Variants in CCDC149 observed in about 807,000 individuals in gnomAD.
CCDC149 encodes coiled-coil domain-containing protein 149.
A neutral mutation model predicts 59.9 loss-of-function variants in CCDC149; 45 were observed. The ratio of observed to expected loss-of-function variants is 0.75; its 90% CI spans 0.59 to 0.96. CCDC149 has a LOEUF of 0.96. CCDC149 is among the 40% of genes least tolerant of loss of function. The probability of loss-of-function intolerance (pLI) is 0.00; values close to 1 mark genes in which losing one functional copy is unlikely to be tolerated. For missense variants in CCDC149, 584 were observed against 664.7 expected, an observed-to-expected ratio of 0.88 and a Z score of 1.33; for synonymous variants, 245 against 260.6, an observed-to-expected ratio of 0.94 and a Z score of 0.58.
chr4:24,902,789 G>C (rs1172880604), intron 1 of CCDC149, among the ~76,000 whole-genome samples: 1 of 152,076 alleles, frequency 6.6e-6, no homozygotes, highest in Non-Finnish European at 1.5e-5. Flanking sequence ...TTGGGAGGCT[G>C]AGACTGATGG....
chr4:24,822,677 A>T, intron 9 of CCDC149, 104 bp from the exon 10 acceptor site: 1 of 697,102 alleles, frequency 1.4e-6, no homozygotes, highest in South Asian at 2.2e-5. Flanking sequence ...GAGATTTATG[A>T]TATATGCAAA....
intron 4 of CCDC149, among the ~76,000 whole-genome samples, chr4:24,846,815 G>C (rs1307830532): frequency 6.6e-6 from 1 of 152,152 alleles, no homozygotes; most frequent in Non-Finnish European, 1.5e-5. Context: ...GTGTGACATT[G>C]GTAGGAGCAT....
At chr4:24,974,564 G>T (rs1484296160) in intron 1 of CCDC149, among the ~76,000 whole-genome samples, 4 of 152,166 alleles carry the variant, frequency 2.6e-5, no homozygotes, top group African/African-American at 9.7e-5. Context: ...TAGCACATAA[G>T]AATTTCTCAA....
chr4:24,890,156 C>T (rs1199117800), intron 1 of CCDC149, among the ~76,000 whole-genome samples: 1 of 152,162 alleles, frequency 6.6e-6, no homozygotes, highest in Non-Finnish European at 1.5e-5. Flanking sequence ...ACAGGGACCA[C>T]AAGAAGCCAC....
chr4:24,966,479 C>T (rs1400523106), intron 1 of CCDC149, among the ~76,000 whole-genome samples: 1 of 151,892 alleles, frequency 6.6e-6, no homozygotes, highest in East Asian at 1.9e-4. Context: ...TATGGTGGCT[C>T]TTGGGCAAGC....
At position 24,837,120 on chromosome 4, in the gene CCDC149, G is replaced by C. The variant is rs974145254; in HGVS notation, c.662+108C>G. 2 of 1,076,012 alleles carry C rather than the reference G, an allele frequency of 1.9e-6. No homozygotes were observed. Among genetic ancestry groups the C allele is most frequent in the Non-Finnish European group, 2.6e-6 (2 of 755,470 alleles). The allele number at this position is 1,076,012 out of a possible 1,614,324, so 66.7% of individuals were successfully genotyped here. A position where few individuals can be genotyped will look rare whatever the true frequency, so the allele number is the denominator to read the frequency against. On this transcript the variant is annotated intron_variant, in intron 6 of 12. Transcript: ENST00000635206. The surrounding 1 kb of genome is among the most constrained non-coding windows in gnomAD (Gnocchi z 4.3). ...CGGGGGAGTGAGTTTCTTTTCACTT[G>C]TAAGGCAATTTTCTCCAAAATAAAT...
At chr4:24,838,869 A>G (rs2109145629) in intron 4 of CCDC149, among the ~76,000 whole-genome samples, 1 of 152,178 alleles carries the variant, frequency 6.6e-6, no homozygotes, top group East Asian at 1.9e-4. Flanking sequence ...CCAAGTGGCT[A>G]ATTTGCAGCT....
At chr4:24,901,358 G>A (rs891084934) in intron 1 of CCDC149, among the ~76,000 whole-genome samples, 6 of 152,172 alleles carry the variant, frequency 3.9e-5, no homozygotes, top group African/African-American at 1.2e-4. Flanking sequence ...GCAGTGAGTA[G>A]TAAATGTCAT....
At chr4:24,880,202 T>C (rs1431638723) in intron 1 of CCDC149, among the ~76,000 whole-genome samples, 2 of 152,254 alleles carry the variant, frequency 1.3e-5, no homozygotes, top group African/African-American at 4.8e-5. Context: ...TACGTTTAGA[T>C]ACACAAATAT....
At chr4:24,809,853 G>C (rs986683491) in intron 12 of CCDC149, among the ~76,000 whole-genome samples, 1 of 152,222 alleles carries the variant, frequency 6.6e-6, no homozygotes, top group African/African-American at 2.4e-5. Flanking sequence ...TTTTCAGGCT[G>C]TAAGTTGGAA....
intron 4 of CCDC149, among the ~76,000 whole-genome samples, chr4:24,852,713 C>T (rs893859034): frequency 6.6e-6 from 1 of 152,126 alleles, no homozygotes; most frequent in African/African-American, 2.4e-5. Context: ...GTGAATAATT[C>T]CAAATCATCT....
rs368841547 is a variant in CCDC149, at chr4:24,952,315, G to A, written c.-65+27754C>T. Among the ~76,000 whole-genome samples, 21 of 151,926 alleles carry A rather than the reference G, an allele frequency of 1.4e-4. No individual in the cohort carries two copies. The East Asian group carries it at 2.5e-3, about 18-fold the overall frequency. On this transcript the variant is annotated intron_variant, in intron 1 of 12. Coordinates refer to the CCDC149 transcript ENST00000389609. ...CTTTTTAAAACATATTTTTTGGCTG[G>A]GTAAGGTGGCTCATCCCTGTAATCC...
intron 1 of CCDC149, among the ~76,000 whole-genome samples, chr4:24,955,232 G>T (rs531676549): frequency 2.4e-4 from 36 of 152,270 alleles, no homozygotes; most frequent in African/African-American, 6.5e-4. Flanking sequence ...TCCTTCCAGA[G>T]GGGAGGAACC....
intron 12 of CCDC149, among the ~76,000 whole-genome samples, chr4:24,809,333 C>T (rs534873921): frequency 6.6e-6 from 1 of 152,304 alleles, no homozygotes; most frequent in South Asian, 2.1e-4. Context: ...TCCTCAATAT[C>T]AAATAAATTA....
intron 1 of CCDC149, among the ~76,000 whole-genome samples, chr4:24,889,090 G>A (rs922129128): frequency 6.6e-6 from 1 of 152,060 alleles, no homozygotes; most frequent in Non-Finnish European, 1.5e-5. Flanking sequence ...GTAGCTGGGG[G>A]GTATGTGAAA....
At position 24,818,554 on chromosome 4, in the gene CCDC149, C is replaced by T. The variant is rs557398123; in HGVS notation, c.1192+1305G>A. Among the ~76,000 whole-genome samples, 4 of 152,328 alleles carry T rather than the reference C, an allele frequency of 2.6e-5. No individual in the cohort carries two copies. In the East Asian group the frequency reaches 7.7e-4, roughly 29 times the overall value. On this transcript the variant is annotated intron_variant, in intron 12 of 12. Coordinates refer to ENST00000635206, the MANE Select transcript of CCDC149 (RefSeq NM_001330643.2). ...AGTTGAGCTGGGTGGTTCTGGCTAA[C>T]GGTCTCTCATGAGGCGCCCATGAAA...
At chr4:24,962,808 C>CA (rs1335962452) in intron 1 of CCDC149, among the ~76,000 whole-genome samples, 1 of 151,806 alleles carries the variant, frequency 6.6e-6, no homozygotes, top group Non-Finnish European at 1.5e-5. Flanking sequence ...GGGTGCAGCA[C>CA]ACCAACATGG....
At chr4:24,820,198 A>C (rs1415423772) in intron 11 of CCDC149, 2 of 476,860 alleles carry the variant, frequency 4.2e-6, no homozygotes, top group African/African-American at 4.0e-5. Flanking sequence ...TCACTAATTT[A>C]GTATTGAATT....
intron 12 of CCDC149, among the ~76,000 whole-genome samples, chr4:24,810,938 C>G (rs1475130531): frequency 6.6e-6 from 1 of 152,158 alleles, no homozygotes; most frequent in Non-Finnish European, 1.5e-5. Flanking sequence ...TTTCAAGACA[C>G]ATTGTTCTTA....
Sources: allele counts gnomAD v4.1 joint callset (sites outside exome capture counted in the v4.1 genomes callset), GRCh38; gene constraint gnomAD v4.1.1; non-coding constraint Gnocchi (gnomAD v3.1); transcripts MANE v1.5; gene names NCBI Gene and HGNC (gene_info 2026-07-23, HGNC 2026-07-21).